The following SMAP1 variants were observed in gnomAD, a reference collection of about 807,000 sequenced individuals.
The protein encoded by SMAP1 is small ArfGAP 1, also known as stromal membrane-associated protein 1.
In SMAP1, 24 loss-of-function variants were observed where a neutral mutation model predicts 58.5. The observed-to-expected ratio is 0.41, with a 90% CI of 0.30 to 0.58. The LOEUF (loss-of-function observed/expected upper bound fraction) is 0.58, where lower values mean the gene tolerates loss of function less well. SMAP1 is among the 20% of genes least tolerant of loss of function. The pLI is 0.29. For synonymous variants in SMAP1, 216 were observed against 196.6 expected (o/e 1.10, Z -0.82); for missense variants, 563 against 566.3 (o/e 0.99, Z 0.06).
chr6:70,739,987 G>GT (rs908446629), intron 2 of SMAP1, among the ~76,000 whole-genome samples: 46 of 151,936 alleles, frequency 3.0e-4, no homozygotes, highest in African/African-American at 1.1e-3. Flanking sequence ...AATTTTATAT[G>GT]TTTTTTCATC....
chr6:70,783,206 C>T (rs1356327244), intron 4 of SMAP1, among the ~76,000 whole-genome samples: 1 of 152,206 alleles, frequency 6.6e-6, no homozygotes, highest in African/African-American at 2.4e-5. Flanking sequence ...TGGAGTGGAC[C>T]TCTAGCAAAC....
intron 3 of SMAP1, among the ~76,000 whole-genome samples, chr6:70,762,641 A>G (rs1322697713): frequency 1.3e-5 from 2 of 152,102 alleles, no homozygotes; most frequent in Non-Finnish European, 2.9e-5. Context: ...GTGTACTTGG[A>G]TTGCCTTTTA....
chr6:70,668,074 C>G lies in SMAP1; in HGVS notation c.51C>G (p.His17Gln). 1.2e-6 allele frequency: 2 copies of G among 1,605,714 alleles called. No individual in the cohort carries two copies. The highest frequency in any genetic ancestry group is 1.7e-6 in the Non-Finnish European group (2 of 1,176,720). Residue 17 changes from histidine (H) to glutamine (Q), a missense_variant, in exon 1 of 11, where the codon CAC becomes CAG. Physicochemically the swap from His to Gln is conservative, Grantham distance 24. This residue lies in a region of SMAP1 where 52 missense variants were observed against 46.6 expected (regional missense o/e 1.11). Transcript: ENST00000370455. ...REKAQKLNEQ[H>Q]QLILSKLLRE... ...AGGCTCAGAAGCTGAACGAGCAGCACCAGCTCATCCTATCCAAGCTTCTGA... is the reference window on the plus strand; with the variant it reads ...AGGCTCAGAAGCTGAACGAGCAGCAGCAGCTCATCCTATCCAAGCTTCTGA...
At chr6:70,724,497 A>G (rs998276447) in intron 1 of SMAP1, among the ~76,000 whole-genome samples, 1 of 152,178 alleles carries the variant, frequency 6.6e-6, no homozygotes, top group Non-Finnish European at 1.5e-5. Flanking sequence ...CACCCGGTCA[A>G]GATAGGAAAT....
chr6:70,704,338 C>A (rs968856929), intron 1 of SMAP1, among the ~76,000 whole-genome samples: 2 of 152,146 alleles, frequency 1.3e-5, no homozygotes, highest in African/African-American at 4.8e-5. Context: ...ATCCATTACT[C>A]CTCCTGATTC....
At chr6:70,690,896 C>T (rs573914621) in intron 1 of SMAP1, among the ~76,000 whole-genome samples, 50 of 151,662 alleles carry the variant, frequency 3.3e-4, no homozygotes, top group African/African-American at 1.0e-3. Context: ...CCTCAATTTC[C>T]GGAGGAGTTT....
At chr6:70,702,391 G>T (rs1767668110) in intron 1 of SMAP1, among the ~76,000 whole-genome samples, 1 of 121,466 alleles carries the variant, frequency 8.2e-6, no homozygotes, top group South Asian at 2.8e-4. Context: ...TTTTTTTTTG[G>T]GGAGGGGGTC....
intron 1 of SMAP1, among the ~76,000 whole-genome samples, chr6:70,692,658 A>G (rs1767220925): frequency 1.3e-5 from 2 of 152,102 alleles, no homozygotes; most frequent in African/African-American, 4.8e-5. Context: ...TCCCAGTACC[A>G]TTTACTGGAG....
intron 6 of SMAP1, among the ~76,000 whole-genome samples, chr6:70,818,410 A>T (rs1216377589): frequency 6.6e-6 from 1 of 152,146 alleles, no homozygotes; most frequent in Non-Finnish European, 1.5e-5. Context: ...CCATCTCAAA[A>T]AAAAAAGCCT....
At chr6:70,840,055 G>A (rs981589621) in intron 7 of SMAP1, among the ~76,000 whole-genome samples, 1 of 152,154 alleles carries the variant, frequency 6.6e-6, no homozygotes, top group East Asian at 1.9e-4. Flanking sequence ...GGGATTGGGG[G>A]CGTAGGTGCC....
chr6:70,796,272 A>C (rs1768604075), intron 5 of SMAP1, among the ~76,000 whole-genome samples: 1 of 152,206 alleles, frequency 6.6e-6, no homozygotes, highest in Admixed American at 6.5e-5. Context: ...GTAAGGAATA[A>C]TAACAGCAAT....
intron 1 of SMAP1, among the ~76,000 whole-genome samples, chr6:70,707,668 GGATCTT>G (rs1767892278): frequency 6.6e-6 from 1 of 151,856 alleles, no homozygotes; most frequent in Non-Finnish European, 1.5e-5. Context: ...TGCAGTAGTG[GGATCTT>G]AGCTCACTGC....
At chr6:70,744,911 G>C (rs1423603364) in intron 2 of SMAP1, among the ~76,000 whole-genome samples, 6 of 152,242 alleles carry the variant, frequency 3.9e-5, no homozygotes, top group South Asian at 2.1e-4. Flanking sequence ...ATTTGCATTT[G>C]TCTGATGACC....
At chr6:70,817,627 T>C (rs1011628517) in intron 6 of SMAP1, among the ~76,000 whole-genome samples, 5 of 152,296 alleles carry the variant, frequency 3.3e-5, no homozygotes, top group African/African-American at 1.2e-4. Context: ...TTTATTGTTA[T>C]CCCCTTTGTG....
chr6:70,690,906 T>C (rs961529037), intron 1 of SMAP1, among the ~76,000 whole-genome samples: 1 of 151,812 alleles, frequency 6.6e-6, no homozygotes, highest in African/African-American at 2.4e-5. Context: ...CGGAGGAGTT[T>C]GTATAGAACT....
chr6:70,715,301 G>T (rs749888810), intron 1 of SMAP1, among the ~76,000 whole-genome samples: 1 of 151,874 alleles, frequency 6.6e-6, no homozygotes, highest in Non-Finnish European at 1.5e-5. Flanking sequence ...TTTCCATGTT[G>T]CCCAGGCTGG....
At chr6:70,777,764 T>C (rs556719673) in intron 4 of SMAP1, among the ~76,000 whole-genome samples, 24 of 152,064 alleles carry the variant, frequency 1.6e-4, no homozygotes, top group African/African-American at 5.3e-4. Context: ...TAAGTTTTTT[T>C]TTTTTTGAGA....
intron 1 of SMAP1, among the ~76,000 whole-genome samples, chr6:70,708,626 G>C (rs1562105823): frequency 6.6e-6 from 1 of 152,032 alleles, no homozygotes; most frequent in Non-Finnish European, 1.5e-5. Context: ...TCTAACACTT[G>C]TTATCTCTTG....
At chr6:70,803,425 T>C (rs1219799699) in intron 6 of SMAP1, among the ~76,000 whole-genome samples, 1 of 152,318 alleles carries the variant, frequency 6.6e-6, no homozygotes, top group East Asian at 1.9e-4. Flanking sequence ...GTCTATTTTG[T>C]TGATCTTTTC....
Sources: gnomAD v4.1 joint callset for allele counts (sites outside exome capture counted in the v4.1 genomes callset) on GRCh38, gnomAD v4.1.1 for gene constraint, gnomAD v4.1.1 regional missense constraint, MANE v1.5 for transcripts, NCBI Gene and HGNC (gene_info 2026-07-23, HGNC 2026-07-21) for gene names.